SLC35F1: variants seen among roughly 807,000 people sequenced by gnomAD.
SLC35F1 encodes the protein chromosome 6 open reading frame 169.
Under a neutral mutation model 48.7 loss-of-function variants are expected in SLC35F1, and 14 were observed. The observed-to-expected ratio is 0.29, with a 90% CI of 0.19 to 0.45. The LOEUF is 0.45. Ranked by LOEUF, SLC35F1 falls within the 20% of genes least tolerant of loss-of-function variation. The pLI is 1.00. For synonymous variants in SLC35F1, 190 were observed against 202.2 expected (o/e 0.94, Z 0.51); for missense variants, 404 against 500.0 (o/e 0.81, Z 1.83).
intron 2 of SLC35F1, among the ~76,000 whole-genome samples, chr6:118,232,109 T>A (rs186661224): frequency 6.6e-6 from 1 of 152,334 alleles, no homozygotes; most frequent in East Asian, 1.9e-4. Context: ...ATTTATGTTA[T>A]TTATTGACTG....
intron 1 of SLC35F1, among the ~76,000 whole-genome samples, chr6:118,065,540 T>A (rs1772599734): frequency 6.6e-6 from 1 of 152,146 alleles, no homozygotes; most frequent in Non-Finnish European, 1.5e-5. Context: ...ATATCACATG[T>A]ACCCCAAAAA....
intron 1 of SLC35F1, among the ~76,000 whole-genome samples, chr6:118,062,042 T>C (rs576932679): frequency 8.7e-5 from 13 of 149,942 alleles, no homozygotes; most frequent in African/African-American, 2.5e-4. Flanking sequence ...TTCTAGTGGA[T>C]ACCTATTTTT....
At chr6:117,989,209 G>T (rs1776886147) in intron 1 of SLC35F1, among the ~76,000 whole-genome samples, 3 of 152,164 alleles carry the variant, frequency 2.0e-5, no homozygotes, top group Admixed American at 2.0e-4. Flanking sequence ...GGTAAATAAT[G>T]AGCCTCTGTT....
At chr6:118,185,474 C>T (rs1774642505) in intron 2 of SLC35F1, among the ~76,000 whole-genome samples, 1 of 152,114 alleles carries the variant, frequency 6.6e-6, no homozygotes, top group Non-Finnish European at 1.5e-5. Flanking sequence ...CATCTCAAAA[C>T]AGTATCTAGC....
intron 1 of SLC35F1, among the ~76,000 whole-genome samples, chr6:118,115,185 G>A (rs1231447969): frequency 1.3e-5 from 2 of 152,142 alleles, no homozygotes; most frequent in East Asian, 3.9e-4. Context: ...CAAGAAGACT[G>A]ATTCATGCTT....
At chr6:117,943,870 T>C (rs915526473) in intron 1 of SLC35F1, among the ~76,000 whole-genome samples, 9 of 152,202 alleles carry the variant, frequency 5.9e-5, no homozygotes, top group African/African-American at 2.2e-4. Flanking sequence ...CCTACTCTTA[T>C]GTGCTCTGAT....
intron 1 of SLC35F1, among the ~76,000 whole-genome samples, chr6:118,097,406 C>A (rs946405678): frequency 3.3e-5 from 5 of 152,180 alleles, no homozygotes; most frequent in African/African-American, 1.2e-4. Context: ...CAATTCAGCC[C>A]CATTTCCAGT....
intron 2 of SLC35F1, among the ~76,000 whole-genome samples, chr6:118,167,120 G>A (rs1235628605): frequency 2.0e-5 from 3 of 152,100 alleles, no homozygotes; most frequent in African/African-American, 2.4e-5. Context: ...ACTGTGCTAC[G>A]AGATGCGAAG....
chr6:118,127,149 C>A (rs1457524576), intron 1 of SLC35F1, among the ~76,000 whole-genome samples: 1 of 150,722 alleles, frequency 6.6e-6, no homozygotes, highest in Non-Finnish European at 1.5e-5. Context: ...TTTTGAGATA[C>A]GTCCCATCAA....
intron 1 of SLC35F1, among the ~76,000 whole-genome samples, chr6:118,085,487 CTTTTTTTT>C (rs59548308): frequency 2.8e-4 from 16 of 56,952 alleles, no homozygotes; most frequent in African/African-American, 1.0e-3. Flanking sequence ...TCTTTCTTTC[CTTTTTTTT>C]TTTTTTTTTT....
In SLC35F1 at chr6:118,248,816, A is replaced by G. The variant is rs144300370; in HGVS notation, c.477+13180A>G. On this transcript the variant is annotated intron_variant, in intron 3 of 7. Coordinates refer to ENST00000360388, the MANE Select transcript of SLC35F1 (RefSeq NM_001029858.4). ...AATATCTAAATCCTTCCCACCTACTATAGATTGAGTGTTTGTGTCTTCCCA... is the reference window on the plus strand; with the variant it reads ...AATATCTAAATCCTTCCCACCTACTGTAGATTGAGTGTTTGTGTCTTCCCA... Among the ~76,000 whole-genome samples the G allele has an allele frequency of 3.9e-5, 6 of 152,322 alleles. No homozygotes were observed. The East Asian group carries it at 9.7e-4, about 25-fold the overall frequency.
intron 2 of SLC35F1, among the ~76,000 whole-genome samples, chr6:118,167,107 G>C (rs1774329230): frequency 6.6e-6 from 1 of 152,102 alleles, no homozygotes; most frequent in Non-Finnish European, 1.5e-5. Flanking sequence ...TCGTCTGTCA[G>C]TCACTGTGCT....
intron 7 of SLC35F1, among the ~76,000 whole-genome samples, chr6:118,304,994 A>ATTTTTTTTTTTTTTTTTTTTTTTTTTTTT (rs1554246592): frequency 7.0e-6 from 1 of 142,874 alleles, no homozygotes; most frequent in Non-Finnish European, 1.5e-5. Context: ...ACAGTCAAAG[A>ATTTTTTTTTTTTTTTTTTTTTTTTTTTTT]TCTTTAGTGT....
intron 2 of SLC35F1, among the ~76,000 whole-genome samples, chr6:118,209,131 A>G (rs1164421539): frequency 6.6e-6 from 1 of 152,204 alleles, no homozygotes; most frequent in African/African-American, 2.4e-5. Context: ...TGAGTCTGCT[A>G]TTAGATCATT....
chr6:117,966,306 C>T (rs1190201620), intron 1 of SLC35F1, among the ~76,000 whole-genome samples: 1 of 152,188 alleles, frequency 6.6e-6, no homozygotes, highest in Non-Finnish European at 1.5e-5. Context: ...TCTTCAGCTT[C>T]GCTCCTGAAG....
chr6:117,979,780 C>T (rs1003845493), intron 1 of SLC35F1, among the ~76,000 whole-genome samples: 9 of 152,138 alleles, frequency 5.9e-5, no homozygotes, highest in South Asian at 2.1e-4. Context: ...ATGTGCTGCG[C>T]GATCATCAAT....
chr6:118,270,805 G>A (rs967402768), intron 4 of SLC35F1, among the ~76,000 whole-genome samples: 12 of 152,148 alleles, frequency 7.9e-5, no homozygotes, highest in African/African-American at 2.9e-4. Context: ...AAATGACTTA[G>A]TAAAGTTGAA....
At chr6:118,147,661 A>T (rs528384184) in intron 1 of SLC35F1, among the ~76,000 whole-genome samples, 1 of 152,262 alleles carries the variant, frequency 6.6e-6, no homozygotes, top group African/African-American at 2.4e-5. Context: ...GTGCCTTTTC[A>T]GTTTTCTATG....
intron 1 of SLC35F1, among the ~76,000 whole-genome samples, chr6:118,082,133 G>A (rs1219811932): frequency 3.3e-5 from 5 of 152,178 alleles, no homozygotes; most frequent in Admixed American, 6.5e-5. Flanking sequence ...ACAGATTGGA[G>A]CCTCAACCTT....
Sources: gnomAD v4.1 joint callset for allele counts (sites outside exome capture counted in the v4.1 genomes callset) on GRCh38, gnomAD v4.1.1 for gene constraint, MANE v1.5 for transcripts, NCBI Gene and HGNC (gene_info 2026-07-23, HGNC 2026-07-21) for gene names.